Variants in HECW2 observed in about 807,000 individuals in gnomAD.
The protein encoded by HECW2 is E3 ubiquitin-protein ligase HECW2.
A neutral mutation model predicts 175.2 loss-of-function variants in HECW2; 61 were observed. That is an observed-to-expected ratio of 0.35 (90% CI 0.28 to 0.43). HECW2 has a LOEUF of 0.43. Ranked by LOEUF, HECW2 falls within the 20% of genes least tolerant of loss-of-function variation. The pLI is 1.00. For synonymous variants in HECW2, 671 were observed against 731.0 expected, an observed-to-expected ratio of 0.92 and a Z score of 1.32; for missense variants, 1,524 against 2,000.5, an observed-to-expected ratio of 0.76 and a Z score of 4.54.
chr2:196,238,434 G>A (rs979216394), intron 21 of HECW2: 1 of 82,478 alleles, frequency 1.2e-5, no homozygotes, highest in African/African-American at 3.6e-5. Context: ...TGTAGCTCAA[G>A]GTTTCTTTCT....
intron 1 of HECW2, among the ~76,000 whole-genome samples, chr2:196,533,332 TC>T (rs527399632): frequency 4.6e-5 from 7 of 152,356 alleles, no homozygotes; most frequent in Middle Eastern, 3.4e-3. Flanking sequence ...GTGTTAAGTT[TC>T]TAGCATAAAA....
chr2:196,492,336 TAG>T (rs1302351912), intron 1 of HECW2, among the ~76,000 whole-genome samples: 1 of 152,090 alleles, frequency 6.6e-6, no homozygotes, highest in Admixed American at 6.6e-5. Flanking sequence ...GCCAGTCCAC[TAG>T]ACAGAGTTAT....
intron 19 of HECW2, among the ~76,000 whole-genome samples, chr2:196,248,597 G>GACAGACACACACAC (rs1553636701): frequency 1.4e-5 from 2 of 143,922 alleles, no homozygotes; most frequent in Admixed American, 7.0e-5. Flanking sequence ...GAGACAGACA[G>GACAGACACACACAC]ACACACACAC....
chr2:196,440,953 G>T (rs1262823948), intron 1 of HECW2, among the ~76,000 whole-genome samples: 1 of 152,288 alleles, frequency 6.6e-6, no homozygotes, highest in South Asian at 2.1e-4. Context: ...TCTGCACCAT[G>T]CTGCTCTCCC....
chr2:196,237,084 T>C (rs1056651256), intron 21 of HECW2, among the ~76,000 whole-genome samples: 1 of 152,226 alleles, frequency 6.6e-6, no homozygotes. Flanking sequence ...AATTACATCA[T>C]GTGCCTACCC....
chr2:196,399,416 A>C (rs550480115), intron 2 of HECW2, among the ~76,000 whole-genome samples: 1 of 152,330 alleles, frequency 6.6e-6, no homozygotes, highest in Non-Finnish European at 1.5e-5. Context: ...AGGGCTTATG[A>C]TCTTCTGCAG....
intron 4 of HECW2, 73 bp downstream of exon 4, chr2:196,334,351 G>T: frequency 9.0e-7 from 1 of 1,105,948 alleles, no homozygotes; most frequent in Non-Finnish European, 1.3e-6. Context: ...CCCTGTCAGG[G>T]CCGCACAGGT....
At chr2:196,560,406 C>G (rs1689957262) in intron 1 of HECW2, among the ~76,000 whole-genome samples, 1 of 152,242 alleles carries the variant, frequency 6.6e-6, no homozygotes, top group Non-Finnish European at 1.5e-5. Context: ...TCGGGCCTCC[C>G]AAAGTGCTGG....
At chr2:196,544,144 T>A (rs990099594) in intron 1 of HECW2, among the ~76,000 whole-genome samples, 10 of 152,008 alleles carry the variant, frequency 6.6e-5, no homozygotes, top group Non-Finnish European at 1.5e-4. Context: ...CAGTAACCAG[T>A]TTTCCTCAGA....
At chr2:196,278,407 A>G in intron 15 of HECW2, 121 bp downstream of exon 15, 1 of 1,119,156 alleles carries the variant, frequency 8.9e-7, no homozygotes, top group Non-Finnish European at 1.2e-6. Context: ...CAGCCTCTAA[A>G]TCAAACTCAA....
chr2:196,223,564 C>A (rs1049923645), intron 23 of HECW2, among the ~76,000 whole-genome samples: 9 of 152,160 alleles, frequency 5.9e-5, no homozygotes, highest in African/African-American at 2.2e-4. Context: ...AACCTTAAGA[C>A]AGAATTTCTA....
intron 1 of HECW2, among the ~76,000 whole-genome samples, chr2:196,526,913 G>A (rs1022099618): frequency 6.6e-6 from 1 of 152,008 alleles, no homozygotes; most frequent in Non-Finnish European, 1.5e-5. Flanking sequence ...AGTCTGCAGA[G>A]GTTACTGCTG....
At chr2:196,308,295 C>T (rs1691347110) in intron 10 of HECW2, 4 of 382,266 alleles carry the variant, frequency 1.0e-5, no homozygotes, top group Non-Finnish European at 1.8e-5. Context: ...CATATAATAC[C>T]AGTCCCTTAA....
intron 2 of HECW2, among the ~76,000 whole-genome samples, chr2:196,417,666 G>A (rs1695291804): frequency 6.6e-6 from 1 of 152,198 alleles, no homozygotes; most frequent in South Asian, 2.1e-4. Context: ...TACATATGCT[G>A]ACCAGTAACC....
intron 2 of HECW2, among the ~76,000 whole-genome samples, chr2:196,418,643 A>G (rs1695324929): frequency 6.6e-6 from 1 of 152,230 alleles, no homozygotes; most frequent in Non-Finnish European, 1.5e-5. Flanking sequence ...ATAAGAAAAG[A>G]CCAAAAAATG....
At chr2:196,476,486 G>GT (rs1279397865) in intron 1 of HECW2, among the ~76,000 whole-genome samples, 1 of 149,588 alleles carries the variant, frequency 6.7e-6, no homozygotes, top group African/African-American at 2.5e-5. Flanking sequence ...CATCTATCAA[G>GT]TTGTTGGGGC....
chr2:196,471,149 T>C (rs1575584210), intron 1 of HECW2, among the ~76,000 whole-genome samples: 1 of 152,106 alleles, frequency 6.6e-6, no homozygotes, highest in Non-Finnish European at 1.5e-5. Flanking sequence ...TACTCCTAAG[T>C]ATATTCTAAG....
intron 1 of HECW2, among the ~76,000 whole-genome samples, chr2:196,583,217 C>T (rs763999522): frequency 6.6e-6 from 1 of 152,172 alleles, no homozygotes; most frequent in Non-Finnish European, 1.5e-5. Flanking sequence ...ACCTGAACTA[C>T]CCCAGGGAAC....
intron 2 of HECW2, among the ~76,000 whole-genome samples, chr2:196,413,206 T>C (rs1412474712): frequency 6.6e-6 from 1 of 152,104 alleles, no homozygotes; most frequent in African/African-American, 2.4e-5. Context: ...ATTAAAAAAT[T>C]AGCCAGGCAT....
Sources: allele counts gnomAD v4.1 joint callset (sites outside exome capture counted in the v4.1 genomes callset), GRCh38; gene constraint gnomAD v4.1.1; transcripts MANE v1.5; gene names NCBI Gene and HGNC (gene_info 2026-07-23, HGNC 2026-07-21).